The following DUSP15 variants were observed in gnomAD, a reference collection of about 807,000 sequenced individuals.
DUSP15 encodes dual specificity phosphatase 15.
In DUSP15, 23 loss-of-function variants were observed where a neutral mutation model predicts 26.3. The observed-to-expected ratio is 0.87, with a 90% CI of 0.63 to 1.24. The LOEUF is 1.24. DUSP15 is among the 50% of genes most tolerant of loss of function. The probability of loss-of-function intolerance (pLI) is 0.00; values close to 1 mark genes in which losing one functional copy is unlikely to be tolerated. For synonymous variants in DUSP15, 143 were observed against 135.5 expected, an observed-to-expected ratio of 1.06 and a Z score of -0.39; for missense variants, 364 against 320.6, an observed-to-expected ratio of 1.14 and a Z score of -1.03.
chr20:31,861,462 G>A lies in DUSP15; in HGVS notation c.649C>T (p.Arg217Cys), dbSNP rs1208365679. The A allele has an allele frequency of 3.2e-6, 5 of 1,552,990 alleles. No homozygotes were observed. The South Asian group carries it at 3.5e-5, about 11-fold the overall frequency. Residue 217 changes from arginine (R) to cysteine (C), a missense_variant, in exon 7 of 7, where the codon CGC (arginine) becomes TGC (cysteine). Coordinates refer to ENST00000339738, the MANE Select transcript of DUSP15 (RefSeq NM_080611.5). ...AGGCAAGAGAAAGTCTGCTTGACGC[G>A]CGCCAGCAGCGGCAGCGGCCGGTGG... ...EAHRPLPLLA[R>C]VKQTFSCLPR...
rs763783566 is a variant in DUSP15 at position 31,862,621 on chromosome 20, G to A, written c.385C>T (p.Pro129Ser). Residue 129 changes from proline (P) to serine (S), a missense_variant, in exon 6 of 7, where the codon CCA becomes TCA. Transcript: ENST00000339738. Reference protein sequence around the residue: ...KATRPIANPNPGFRQQLEEFG... With the variant: ...KATRPIANPNSGFRQQLEEFG... ...TCTTCAAGCTGCTGCCTAAAGCCTGGGTTGGGGTTGGCGATGGGCCTGGTG... is the reference window on the plus strand; with the variant it reads ...TCTTCAAGCTGCTGCCTAAAGCCTGAGTTGGGGTTGGCGATGGGCCTGGTG... 1.8e-5 allele frequency: 29 copies of A among 1,613,996 alleles called. No homozygotes were observed. Among genetic ancestry groups the A allele is most frequent in the Non-Finnish European group, 2.4e-5 (28 of 1,180,002 alleles).
chr20:31,869,413 T>C, intron 2 of DUSP15, 151 bp downstream of exon 2: 1 of 1,045,792 alleles, frequency 9.6e-7, no homozygotes, highest in South Asian at 1.5e-5. Context: ...GCACCCCTTG[T>C]CCTCCATCAG....
At position 31,861,527 on chromosome 20, in the gene DUSP15, C is replaced by A. The variant is rs1442909402; in HGVS notation, c.584G>T (p.Gly195Val). 2 of 1,516,382 alleles carry A rather than the reference C, an allele frequency of 1.3e-6. No individual in the cohort carries two copies. Among genetic ancestry groups the A allele is most frequent in the Non-Finnish European group, 1.8e-6 (2 of 1,140,400 alleles). 93.9% of individuals were successfully genotyped at this position (1,516,382 alleles called of 1,614,324 possible). A position where few individuals can be genotyped will look rare whatever the true frequency, so the allele number is the denominator to read the frequency against. Residue 195 changes from glycine (G) to valine (V), a missense_variant, in exon 7 of 7, where the codon GGA (glycine) becomes GTA (valine). Gly to Val is a moderately radical substitution (Grantham distance 109). Transcript: ENST00000339738. ...SAGPHSAASEGTVQRLVPRTP... is the reference protein window; with the variant it reads ...SAGPHSAASEVTVQRLVPRTP... ...GCGCGGCACCAGGCGCTGCACGGTT[C>A]CCTCGGAGGCTGCTGAGTGCGGCCC...
At chr20:31,868,422 C>T (rs1009243598) in intron 2 of DUSP15, among the ~76,000 whole-genome samples, 15 of 152,194 alleles carry the variant, frequency 9.9e-5, no homozygotes, top group African/African-American at 3.6e-4. Flanking sequence ...TTTGAGTCAC[C>T]CAAGCCCTGG....
At chr20:31,850,672 G>A (rs200973563) in exon 7 of DUSP15, 277 of 1,610,744 alleles carry the variant, frequency 1.7e-4, no homozygotes, top group Admixed American at 3.5e-4. Context: ...CCTATGTCTG[G>A]CACCCTGGTG....
In DUSP15 at chr20:31,864,946, A is replaced by T. The variant is rs765316956; in HGVS notation, c.188+7T>A. 2 of 1,612,600 alleles carry T rather than the reference A, an allele frequency of 1.2e-6. No homozygotes were observed. The highest frequency in any genetic ancestry group is 1.3e-5 in the African/African-American group (1 of 74,474). Reference sequence around the variant, plus strand: ...GTCCATCTATGGGTCCATCCAGGGGAACTTACATGGGTACCTCAGGGGTAT... The same window carrying T: ...GTCCATCTATGGGTCCATCCAGGGGTACTTACATGGGTACCTCAGGGGTAT... On this transcript the variant is annotated splice_region_variant and intron_variant, in intron 4 of 6. Transcript: ENST00000339738.
At chr20:31,848,518 G>A (rs2062404959) in exon 10 of DUSP15, 1 of 1,605,504 alleles carries the variant, frequency 6.2e-7, no homozygotes, top group Non-Finnish European at 8.5e-7. Flanking sequence ...GCTCGGTTGA[G>A]GCACTTAGAG....
At chr20:31,869,103 G>T (rs527363730) in intron 2 of DUSP15, among the ~76,000 whole-genome samples, 1 of 152,158 alleles carries the variant, frequency 6.6e-6, no homozygotes, top group Non-Finnish European at 1.5e-5. Context: ...GGAAGTTATG[G>T]GGGGAAGAGT....
chr20:31,867,635 T>TGTTTTTTTTTG (rs2062799360), intron 2 of DUSP15, among the ~76,000 whole-genome samples: 1 of 21,320 alleles, frequency 4.7e-5, no homozygotes, highest in African/African-American at 1.7e-4. Flanking sequence ...CACAATGTTT[T>TGTTTTTTTTTG]TTTTTTTTTT....
Position 31,861,629 on chromosome 20 carries a change from T to G in DUSP15, c.482A>C (p.Asp161Ala), listed in dbSNP as rs894019363. The change falls in exon 7 of 7, where the codon GAC becomes GCC. Residue 161 changes from aspartate (D) to alanine (A), a missense_variant. Coordinates refer to ENST00000339738, the MANE Select transcript of DUSP15 (RefSeq NM_080611.5). The part of the protein sequence containing the change: ...EERFGESPFR[D>A]EEELRALLPL... ...CAGCAGCGCGCGCAACTCCTCCTCG[T>G]CGCGGAAGGGGCTCTCGCCGAAGCG... 1.5e-6 allele frequency: 2 copies of G among 1,306,038 alleles called. No individual in the cohort carries two copies. The highest frequency in any genetic ancestry group is 5.1e-5 in the Admixed American group (2 of 39,522). 80.9% of individuals were successfully genotyped at this position (1,306,038 alleles called of 1,614,324 possible). A position where few individuals can be genotyped will look rare whatever the true frequency, so the allele number is the denominator to read the frequency against.
intron 5 of DUSP15, 37 bp downstream of exon 5, chr20:31,863,870 C>T: frequency 6.2e-7 from 1 of 1,600,182 alleles, no homozygotes. Context: ...CAGCCACTTC[C>T]TTCCTCCCCC....
At chr20:31,869,633 G>A in intron 1 of DUSP15, 36 bp from the exon 2 acceptor site, 2 of 1,612,038 alleles carry the variant, frequency 1.2e-6, no homozygotes, top group Non-Finnish European at 8.5e-7. Flanking sequence ...GTGGGGCAGG[G>A]GCTGCACCCC....
downstream of DUSP15, chr20:31,845,759 G>C (rs2062371359): frequency 1.1e-5 from 7 of 612,642 alleles, no homozygotes; most frequent in Middle Eastern, 8.7e-4. Context: ...GGCCAGTAGT[G>C]GGAAGCCGAG....
At chr20:31,846,768 G>A (rs1447253510), downstream of DUSP15, among the ~76,000 whole-genome samples, 2 of 152,166 alleles carry the variant, frequency 1.3e-5, 1 homozygote, top group East Asian at 3.9e-4. Flanking sequence ...TATCTGGGGA[G>A]AGACATTCTC....
intron 6 of DUSP15, chr20:31,850,755 G>T: frequency 1.4e-6 from 2 of 1,456,878 alleles, no homozygotes; most frequent in South Asian, 2.4e-5. Context: ...CCAGGGAGGA[G>T]GCAGGGCTGG....
At chr20:31,852,491 G>A (rs1430768468) in intron 6 of DUSP15, among the ~76,000 whole-genome samples, 1 of 152,178 alleles carries the variant, frequency 6.6e-6, no homozygotes, top group Non-Finnish European at 1.5e-5. Context: ...GGGCCACAGC[G>A]GCAGACACAA....
rs1982514700 is a variant in DUSP15, at chr20:31,861,232, G to A, written c.*171C>T. ...GCCGGCCCGGACACAGAGACGCACA[G>A]GTTGGGGACGCTGACTGCAGACGCG... On this transcript the variant is annotated 3_prime_UTR_variant, in exon 7 of 7. Transcript: ENST00000339738. 3 of 1,365,160 alleles carry A rather than the reference G, an allele frequency of 2.2e-6. No homozygotes were observed. The highest frequency in any genetic ancestry group is 7.8e-5 in the Admixed American group (2 of 25,738). 84.6% of individuals were successfully genotyped at this position (1,365,160 alleles called of 1,614,324 possible).
intron 9 of DUSP15, chr20:31,848,791 G>A (rs886070373): frequency 4.4e-6 from 7 of 1,605,002 alleles, no homozygotes; most frequent in African/African-American, 1.3e-5. Flanking sequence ...GGCTGGAGTG[G>A]AAGGAGTGAC....
At chr20:31,848,674 A>G in intron 9 of DUSP15, 1 of 1,454,588 alleles carries the variant, frequency 6.9e-7, no homozygotes, top group South Asian at 1.4e-5. Flanking sequence ...CCCATTTTCC[A>G]GGTAGGGTCC....
Sources: gnomAD v4.1 joint callset for allele counts (sites outside exome capture counted in the v4.1 genomes callset) on GRCh38, gnomAD v4.1.1 for gene constraint, MANE v1.5 for transcripts, NCBI Gene and HGNC (gene_info 2026-07-23, HGNC 2026-07-21) for gene names.